Variants in ASTN2 observed in about 807,000 individuals in gnomAD.
The protein encoded by ASTN2 is astrotactin-2.
ASTN2 carries 54 observed loss-of-function variants against 139.8 expected under a neutral mutation model. The ratio of observed to expected loss-of-function variants is 0.39; its 90% CI spans 0.31 to 0.48. The LOEUF (loss-of-function observed/expected upper bound fraction) is 0.48. Ranked by LOEUF, ASTN2 falls within the 20% of genes least tolerant of loss-of-function variation. The pLI, the probability that ASTN2 is intolerant of heterozygous loss-of-function variation, is 0.95. For missense variants in ASTN2, 1,565 were observed against 1,725.1 expected, an observed-to-expected ratio of 0.91 and a Z score of 1.64; for synonymous variants, 756 against 719.5, an observed-to-expected ratio of 1.05 and a Z score of -0.81.
At chr9:116,702,912 T>C (rs1300046841) in intron 16 of ASTN2, among the ~76,000 whole-genome samples, 2 of 152,164 alleles carry the variant, frequency 1.3e-5, no homozygotes, top group Non-Finnish European at 2.9e-5. Context: ...AAACGTGGCG[T>C]GAGCTTTACA....
chr9:116,833,844 T>C (rs1831899449), intron 11 of ASTN2, among the ~76,000 whole-genome samples: 1 of 152,228 alleles, frequency 6.6e-6, no homozygotes, highest in Non-Finnish European at 1.5e-5. Context: ...GGGGACGTGA[T>C]TAGGTCACAA....
chr9:116,699,184 G>T lies in ASTN2; in HGVS notation c.2806+26587C>A. ...TGGGGTATCACAGCCTTGCCATCTG[G>T]CCAGTTTGTAGTAACCGATGTGGAA... On this transcript the variant is annotated intron_variant, in intron 16 of 22. Coordinates refer to ENST00000313400, the MANE Select transcript of ASTN2 (RefSeq NM_001365068.1). The surrounding 1 kb of genome is among the most constrained non-coding windows in gnomAD (Gnocchi z 4.2). The T allele has an allele frequency of 3.7e-6, 6 of 1,614,240 alleles. No homozygotes were observed. Among genetic ancestry groups the T allele is most frequent in the Non-Finnish European group, 5.1e-6 (6 of 1,180,048 alleles).
intron 19 of ASTN2, among the ~76,000 whole-genome samples, chr9:116,489,122 T>C (rs1849429943): frequency 6.6e-6 from 1 of 152,130 alleles, no homozygotes; most frequent in Non-Finnish European, 1.5e-5. Context: ...CCAGCTCCAT[T>C]ACATCCTCTC....
At chr9:117,337,286 T>C (rs1025196768) in intron 1 of ASTN2, among the ~76,000 whole-genome samples, 11 of 152,154 alleles carry the variant, frequency 7.2e-5, no homozygotes, top group Admixed American at 4.6e-4. Context: ...GACAAAATTA[T>C]TGGATTGGTC....
intron 5 of ASTN2, among the ~76,000 whole-genome samples, chr9:117,071,114 TTC>T (rs1468103100): frequency 6.7e-6 from 1 of 148,178 alleles, no homozygotes; most frequent in African/African-American, 2.5e-5. Flanking sequence ...AGTTTTTCTG[TTC>T]TGTTTTTTTC....
intron 6 of ASTN2, among the ~76,000 whole-genome samples, chr9:117,013,768 G>A (rs558840914): frequency 3.3e-5 from 5 of 152,212 alleles, no homozygotes; most frequent in Admixed American, 6.5e-5. Context: ...CAAAGAAACA[G>A]AAGGCTACAG....
rs372906871 is a variant in ASTN2, at chr9:117,328,846, C to A, written c.443-37333G>T. ...CGCTGTGAGAAGTGATGGCAAATCC[C>A]CTATAGAGTGGGTGACGGAGAGCCA... is the stretch of plus-strand genomic sequence containing the variant. On this transcript the variant is annotated intron_variant, in intron 1 of 22. Coordinates refer to ENST00000313400, the MANE Select transcript of ASTN2 (RefSeq NM_001365068.1). Among the ~76,000 whole-genome samples, 369 of 152,252 alleles carry A rather than the reference C, an allele frequency of 2.4e-3. 1 individual carries two copies. Among genetic ancestry groups the A allele is most frequent in the African/African-American group, 8.2e-3 (342 of 41,532 alleles).
chr9:116,725,997 GC>G (rs1262803364), intron 15 of ASTN2, 47 bp from the exon 16 acceptor site: 2 of 1,555,338 alleles, frequency 1.3e-6, no homozygotes, highest in Non-Finnish European at 1.7e-6. Context: ...TGAGAGGCTG[GC>G]GGCTAGCAAA....
chr9:116,677,255 T>C (rs1859563704), intron 16 of ASTN2, among the ~76,000 whole-genome samples: 1 of 152,174 alleles, frequency 6.6e-6, no homozygotes, highest in African/African-American at 2.4e-5. Flanking sequence ...CTAAGATAAC[T>C]TCTCATAGCT....
intron 17 of ASTN2, among the ~76,000 whole-genome samples, chr9:116,634,553 G>A (rs1187326507): frequency 2.2e-5 from 3 of 135,250 alleles, no homozygotes; most frequent in Admixed American, 8.2e-5. Flanking sequence ...TCGCGCCACT[G>A]CACCCCAGCC....
intron 19 of ASTN2, among the ~76,000 whole-genome samples, chr9:116,502,235 CAGAG>C (rs1191735377): frequency 2.6e-5 from 4 of 151,106 alleles, no homozygotes; most frequent in Non-Finnish European, 5.9e-5. Context: ...TAGAGACACA[CAGAG>C]AGAGACAGAG....
intron 1 of ASTN2, among the ~76,000 whole-genome samples, chr9:117,332,085 A>G (rs1410382085): frequency 1.3e-5 from 2 of 152,224 alleles, no homozygotes; most frequent in Non-Finnish European, 2.9e-5. Context: ...AAGGAAATGT[A>G]GATTTAATAC....
intron 1 of ASTN2, among the ~76,000 whole-genome samples, chr9:117,367,455 T>C (rs76332436): frequency 0.018 from 2,672 of 152,284 alleles, 83 homozygotes; most frequent in African/African-American, 0.059. Flanking sequence ...CAAATGCGTT[T>C]TCTGTAAAGA....
At chr9:117,183,804 C>T (rs750824359) in intron 3 of ASTN2, among the ~76,000 whole-genome samples, 1 of 152,222 alleles carries the variant, frequency 6.6e-6, no homozygotes, top group Non-Finnish European at 1.5e-5. Context: ...CCTACATCCC[C>T]CTTTCCCACA....
At chr9:117,340,050 G>A (rs1397059349) in intron 1 of ASTN2, among the ~76,000 whole-genome samples, 1 of 151,918 alleles carries the variant, frequency 6.6e-6, no homozygotes, top group Non-Finnish European at 1.5e-5. Context: ...ACAGCTCTCA[G>A]AGACATCAGA....
intron 10 of ASTN2, among the ~76,000 whole-genome samples, chr9:116,942,090 GCACACA>G (rs71379244): frequency 9.6e-4 from 144 of 149,686 alleles, no homozygotes; most frequent in South Asian, 2.7e-3. Context: ...ACGCACGCAC[GCACACA>G]CACACACACA....
intron 10 of ASTN2, among the ~76,000 whole-genome samples, chr9:116,949,430 C>CTCTT (rs1835495791): frequency 6.6e-6 from 1 of 151,940 alleles, no homozygotes; most frequent in African/African-American, 2.4e-5. Context: ...CTCTCTCTCT[C>CTCTT]TTGCCTTTTC....
chr9:116,839,193 G>C (rs944812179), intron 11 of ASTN2, among the ~76,000 whole-genome samples: 3 of 152,096 alleles, frequency 2.0e-5, no homozygotes, highest in Non-Finnish European at 4.4e-5. Context: ...ACCCAGGCTG[G>C]AGTGCAGGCA....
intron 13 of ASTN2, among the ~76,000 whole-genome samples, chr9:116,795,563 AGAGCATG>A (rs909103626): frequency 2.0e-5 from 3 of 152,212 alleles, no homozygotes; most frequent in African/African-American, 7.2e-5. Flanking sequence ...CCTCACCCCC[AGAGCATG>A]AAGGGCTGAG....
Sources: gnomAD v4.1 joint callset for allele counts (sites outside exome capture counted in the v4.1 genomes callset) on GRCh38, gnomAD v4.1.1 for gene constraint, Gnocchi (gnomAD v3.1) non-coding constraint, MANE v1.5 for transcripts, NCBI Gene and HGNC (gene_info 2026-07-23, HGNC 2026-07-21) for gene names.